LSAMP: variants seen among roughly 807,000 people sequenced by gnomAD.
The protein encoded by LSAMP is limbic system-associated membrane protein.
A neutral mutation model predicts 38.6 loss-of-function variants in LSAMP; 7 were observed. The ratio of observed to expected loss-of-function variants is 0.18; its 90% confidence interval spans 0.10 to 0.34. The LOEUF is 0.34. LSAMP is among the 10% of genes least tolerant of loss of function. The pLI is 1.00. For missense variants in LSAMP, 313 were observed against 420.0 expected, an observed-to-expected ratio of 0.75 and a Z score of 2.23; for synonymous variants, 154 against 166.8, an observed-to-expected ratio of 0.92 and a Z score of 0.59.
rs537593377 is a variant in LSAMP at position 116,278,214 on chromosome 3, G to A, written c.155+166663C>T. On this transcript the variant is annotated intron_variant, in intron 1 of 6. Coordinates refer to ENST00000490035, the MANE Select transcript of LSAMP (RefSeq NM_002338.5). ...AGCAAAAAATGTCACAAACACACCC[G>A]GAAGCTGAAATAAGCTTTTCCTTTC... 4.1e-4 allele frequency among the ~76,000 whole-genome samples: 63 copies of A among 152,180 alleles called. 2 individuals carry two copies. In the South Asian group the frequency reaches 7.5e-3, roughly 18 times the overall value.
intron 1 of LSAMP, among the ~76,000 whole-genome samples, chr3:116,088,087 C>T (rs1363742957): frequency 5.3e-5 from 8 of 151,976 alleles, no homozygotes; most frequent in African/African-American, 1.4e-4. Flanking sequence ...GAGATGGGGT[C>T]TTGCTGTGTT....
chr3:116,061,482 G>A (rs1941594037), intron 2 of LSAMP, among the ~76,000 whole-genome samples: 1 of 152,114 alleles, frequency 6.6e-6, no homozygotes, highest in Non-Finnish European at 1.5e-5. Context: ...GTAGGTGGTG[G>A]TGGTGGTAAG....
In LSAMP at chr3:115,958,855, T is replaced by C. The variant is rs116644615; in HGVS notation, c.514+60660A>G. On this transcript the variant is annotated intron_variant, in intron 3 of 6. Transcript: ENST00000490035. ...CTCCAAATGATACAACTTTCCCCCT[T>C]GAATGAGATCTGTTTCTGGGCATTC... is the stretch of plus-strand genomic sequence containing the variant. Among the ~76,000 whole-genome samples the C allele has an allele frequency of 9.8e-3, 1,485 of 152,270 alleles. 24 individuals are homozygous for C. Among genetic ancestry groups the C allele is most frequent in the African/African-American group, 0.034 (1,423 of 41,542 alleles).
At chr3:115,965,225 C>T (rs1938760568) in intron 3 of LSAMP, among the ~76,000 whole-genome samples, 1 of 151,612 alleles carries the variant, frequency 6.6e-6, no homozygotes, top group Non-Finnish European at 1.5e-5. Flanking sequence ...CAGATATCTA[C>T]AAAGAAAGGA....
At chr3:116,168,434 T>C (rs535050762) in intron 1 of LSAMP, among the ~76,000 whole-genome samples, 1 of 152,348 alleles carries the variant, frequency 6.6e-6, no homozygotes, top group South Asian at 2.1e-4. Flanking sequence ...CTTGTCATGA[T>C]TGCCAAGTTG....
At chr3:116,078,101 G>A (rs756407688) in intron 2 of LSAMP, among the ~76,000 whole-genome samples, 2 of 151,998 alleles carry the variant, frequency 1.3e-5, no homozygotes, top group Non-Finnish European at 2.9e-5. Context: ...ACAAATATTT[G>A]TGGGCAGCTA....
At chr3:116,276,674 TAAAA>T (rs559344326) in intron 1 of LSAMP, among the ~76,000 whole-genome samples, 1 of 81,956 alleles carries the variant, frequency 1.2e-5, no homozygotes, top group African/African-American at 4.4e-5. Context: ...TATGGAAAAA[TAAAA>T]AAAAAGAAAA....
At chr3:115,962,416 C>T (rs1408380292) in intron 3 of LSAMP, among the ~76,000 whole-genome samples, 1 of 152,172 alleles carries the variant, frequency 6.6e-6, no homozygotes, top group Non-Finnish European at 1.5e-5. Context: ...AGATAATTCT[C>T]TAATGACACA....
At chr3:116,316,313 G>T (rs879521413) in intron 1 of LSAMP, among the ~76,000 whole-genome samples, 1 of 152,168 alleles carries the variant, frequency 6.6e-6, no homozygotes. Context: ...ACAAGGCTCT[G>T]TTTGGGTATG....
chr3:116,379,988 G>T (rs751343351), intron 1 of LSAMP, among the ~76,000 whole-genome samples: 6 of 151,998 alleles, frequency 3.9e-5, no homozygotes, highest in Non-Finnish European at 7.4e-5. Flanking sequence ...TATACCCTCA[G>T]ACTCTTTCTA....
intron 1 of LSAMP, among the ~76,000 whole-genome samples, chr3:116,399,664 C>G (rs2107824225): frequency 6.6e-6 from 1 of 152,234 alleles, no homozygotes; most frequent in South Asian, 2.1e-4. Flanking sequence ...TGGGTCTTCC[C>G]TTTTGAGTCT....
intron 1 of LSAMP, among the ~76,000 whole-genome samples, chr3:116,098,823 A>G (rs1708282158): frequency 6.6e-6 from 1 of 152,160 alleles, no homozygotes; most frequent in Admixed American, 6.5e-5. Context: ...CAGGTCGTAA[A>G]TGGGAGTTGG....
At chr3:115,938,486 C>A (rs577616416) in intron 3 of LSAMP, among the ~76,000 whole-genome samples, 1 of 152,186 alleles carries the variant, frequency 6.6e-6, no homozygotes, top group African/African-American at 2.4e-5. Context: ...TCATATTTAT[C>A]AGAAATAATA....
chr3:116,346,298 T>C (rs1245359586), intron 1 of LSAMP, among the ~76,000 whole-genome samples: 1 of 151,280 alleles, frequency 6.6e-6, no homozygotes, highest in Non-Finnish European at 1.5e-5. Flanking sequence ...TCAGGAAACA[T>C]GATTTTTTTT....
intron 1 of LSAMP, among the ~76,000 whole-genome samples, chr3:116,224,587 G>A (rs955573552): frequency 3.3e-5 from 5 of 152,166 alleles, no homozygotes; most frequent in South Asian, 2.1e-4. Flanking sequence ...ACGTGTTCAC[G>A]TTCTAGTTCA....
Position 116,141,828 on chromosome 3 carries a change from T to C in LSAMP, c.156-55272A>G, listed in dbSNP as rs576955366. Among the ~76,000 whole-genome samples, 21 of 152,122 alleles carry C rather than the reference T, an allele frequency of 1.4e-4. No homozygotes were observed. The South Asian group carries it at 2.1e-3, about 15-fold the overall frequency. On this transcript the variant is annotated intron_variant, in intron 1 of 6. Transcript: ENST00000490035. ...TGGGCCAGGGAGTTTTTAAATACTTTATCAGACTATCATTGGTTGTGGACT... is the reference window on the plus strand; with the variant it reads ...TGGGCCAGGGAGTTTTTAAATACTTCATCAGACTATCATTGGTTGTGGACT...
intron 1 of LSAMP, among the ~76,000 whole-genome samples, chr3:116,126,612 A>G (rs1245973287): frequency 1.3e-5 from 2 of 152,228 alleles, no homozygotes; most frequent in Non-Finnish European, 2.9e-5. Context: ...ATGTAATCCC[A>G]GCACTTTGGG....
At chr3:116,076,895 T>C (rs1246544234) in intron 2 of LSAMP, among the ~76,000 whole-genome samples, 2 of 152,082 alleles carry the variant, frequency 1.3e-5, no homozygotes, top group African/African-American at 4.8e-5. Flanking sequence ...TGTTCTTATA[T>C]TTTTGCAGCT....
intron 1 of LSAMP, among the ~76,000 whole-genome samples, chr3:116,176,007 T>A (rs1472225232): frequency 6.6e-6 from 1 of 152,076 alleles, no homozygotes; most frequent in Non-Finnish European, 1.5e-5. Flanking sequence ...GCTTTGGAGG[T>A]CACCCAATTT....
Sources: allele counts gnomAD v4.1 joint callset (sites outside exome capture counted in the v4.1 genomes callset), GRCh38; gene constraint gnomAD v4.1.1; transcripts MANE v1.5; gene names NCBI Gene and HGNC (gene_info 2026-07-23, HGNC 2026-07-21).